Variants in SLCO1B3 observed in about 807,000 individuals in gnomAD.
SLCO1B3 encodes the protein liver-specific organic anion transporter 2.
Under a neutral mutation model 71.8 loss-of-function variants are expected in SLCO1B3, and 72 were observed. The observed-to-expected ratio is 1.00, with a 90% CI of 0.83 to 1.22. SLCO1B3 has a LOEUF of 1.22. Among genes scored for constraint, SLCO1B3 ranks in the 50% most tolerant of loss-of-function variants. The pLI is 0.00. For missense variants in SLCO1B3, 911 were observed against 819.7 expected (o/e 1.11, Z -1.36); for synonymous variants, 298 against 278.4 (o/e 1.07, Z -0.70).
Position 20,862,813 on chromosome 12 carries a change from T to C in SLCO1B3, c.686T>C (p.Leu229Pro), listed in dbSNP as rs753580891. ...GPVIGFALGSLFAKMYVDIGY... is the reference protein window; with the variant it reads ...GPVIGFALGSPFAKMYVDIGY... Reference sequence around the variant, plus strand: ...GTCATTGGCTTTGCACTGGGATCTCTGTTTGCTAAAATGTACGTGGATATT... The same window carrying C: ...GTCATTGGCTTTGCACTGGGATCTCCGTTTGCTAAAATGTACGTGGATATT... The change falls in exon 8 of 16, where the codon CTG becomes CCG. Residue 229 changes from leucine to proline, a missense_variant. Leu to Pro is a moderately conservative substitution (Grantham distance 98). Coordinates refer to ENST00000381545, the MANE Select transcript of SLCO1B3 (RefSeq NM_019844.4). 7.3e-5 allele frequency: 117 copies of C among 1,610,964 alleles called. No individual in the cohort carries two copies. Among genetic ancestry groups the C allele is most frequent in the Non-Finnish European group, 9.7e-5 (114 of 1,177,382 alleles).
chr12:20,815,477 T>C (rs1864176605), intron 2 of SLCO1B3, among the ~76,000 whole-genome samples, 197 bp from the exon 3 acceptor site: 2 of 152,194 alleles, frequency 1.3e-5, no homozygotes, highest in Admixed American at 1.3e-4. Flanking sequence ...CAAATTATAA[T>C]CTCTTTAGGC....
rs1415768772 is a variant in SLCO1B3, at chr12:20,862,479, A to T, written c.549A>T (p.Ile183=). The T allele has an allele frequency of 2.5e-6, 4 of 1,612,880 alleles. No individual in the cohort carries two copies. The highest frequency in any genetic ancestry group is 3.4e-6 in the Non-Finnish European group (4 of 1,179,240). Residue 183 remains isoleucine, a synonymous_variant, in exon 7 of 16, where the codon ATA becomes ATT. Transcript: ENST00000381545. ...TCATGGGGAATATGCTTCGTGGCAT[A>T]GGGGAAACCCCCATAGTACCATTGG... ...YVFMGNMLRG[I]GETPIVPLGI... is the part of the protein sequence containing the mutation.
chr12:20,896,499 G>T (rs1376901673), intron 13 of SLCO1B3, among the ~76,000 whole-genome samples: 3 of 152,146 alleles, frequency 2.0e-5, no homozygotes, highest in Non-Finnish European at 4.4e-5. Flanking sequence ...AATATGACAA[G>T]CATCATCTTT....
At chr12:20,907,947 C>T (rs1232063025) in intron 15 of SLCO1B3, among the ~76,000 whole-genome samples, 1 of 152,150 alleles carries the variant, frequency 6.6e-6, no homozygotes, top group African/African-American at 2.4e-5. Flanking sequence ...TCCCCAGAAT[C>T]TCCCCGAAGC....
At chr12:20,849,738 CACACACAT>C (rs1313357181) in intron 3 of SLCO1B3, among the ~76,000 whole-genome samples, 1 of 135,238 alleles carries the variant, frequency 7.4e-6, no homozygotes, top group African/African-American at 2.5e-5. Context: ...CACACACACA[CACACACAT>C]ATTACTTGTG....
chr12:20,826,832 T>A (rs1189706782), intron 3 of SLCO1B3, among the ~76,000 whole-genome samples: 1 of 152,068 alleles, frequency 6.6e-6, no homozygotes, highest in Non-Finnish European at 1.5e-5. Context: ...AACTTTAGCC[T>A]TTGTATTAGA....
chr12:20,819,507 C>T (rs1437644156), intron 3 of SLCO1B3, among the ~76,000 whole-genome samples: 1 of 152,040 alleles, frequency 6.6e-6, no homozygotes, highest in Non-Finnish European at 1.5e-5. Flanking sequence ...AGATCCAGAA[C>T]AGAATAATGG....
chr12:20,860,586 AAAGTC>A (rs1865240480), intron 5 of SLCO1B3, among the ~76,000 whole-genome samples: 1 of 145,046 alleles, frequency 6.9e-6, no homozygotes. Context: ...TGAGTTTTGA[AAAGTC>A]AAGCACTTTG....
chr12:20,900,293 G>T (rs549561044), intron 14 of SLCO1B3, among the ~76,000 whole-genome samples: 1 of 151,748 alleles, frequency 6.6e-6, no homozygotes, highest in Non-Finnish European at 1.5e-5. Context: ...AAAATGAATC[G>T]GTAAAACATT....
At position 20,826,494 on chromosome 12, in the gene SLCO1B3, T is replaced by A. The variant is rs375269274; in HGVS notation, c.84+10672T>A. On this transcript the variant is annotated intron_variant, in intron 3 of 15. Transcript: ENST00000381545. The stretch of plus-strand genomic sequence containing the variant: ...GAATTAATTCTTTTTTAATATCAAG[T>A]CTCAATCTCTGGAATGACTATTATA... Among the ~76,000 whole-genome samples the A allele has an allele frequency of 1.1e-3, 162 of 152,170 alleles. 4 individuals carry two copies. The South Asian group carries it at 0.033, about 31-fold the overall frequency.
rs1025860859 is a variant in SLCO1B3, at chr12:20,816,374, G to A, written c.84+552G>A. On this transcript the variant is annotated intron_variant, in intron 3 of 15. Coordinates refer to ENST00000381545, the MANE Select transcript of SLCO1B3 (RefSeq NM_019844.4). ...ACCCCCATGACCCTTTCCAGCCTCT[G>A]GTAACCATCCTTCTACTCACTGTGT... 4.0e-5 allele frequency among the ~76,000 whole-genome samples: 6 copies of A among 151,898 alleles called. No individual in the cohort carries two copies. The East Asian group carries it at 1.2e-3, about 29-fold the overall frequency.
chr12:20,890,096 T>C (rs1163921481), intron 13 of SLCO1B3, among the ~76,000 whole-genome samples: 1 of 151,758 alleles, frequency 6.6e-6, no homozygotes, highest in Admixed American at 6.6e-5. Context: ...TTTTTTTATT[T>C]GTAATAGAGA....
At chr12:20,847,749 A>G (rs954179003) in intron 3 of SLCO1B3, among the ~76,000 whole-genome samples, 2 of 152,006 alleles carry the variant, frequency 1.3e-5, no homozygotes, top group Admixed American at 6.6e-5. Flanking sequence ...GACCTGTCAT[A>G]TACCATCAGG....
intron 13 of SLCO1B3, among the ~76,000 whole-genome samples, chr12:20,884,871 C>T (rs1287745665): frequency 1.3e-5 from 2 of 151,984 alleles, no homozygotes; most frequent in African/African-American, 4.8e-5. Context: ...TTCACCCTGC[C>T]TGCAAATTTT....
chr12:20,828,165 A>G (rs1291877088), intron 3 of SLCO1B3, among the ~76,000 whole-genome samples: 1 of 152,154 alleles, frequency 6.6e-6, no homozygotes, highest in Non-Finnish European at 1.5e-5. Flanking sequence ...CTCCAAAAGG[A>G]AAGAGATTCA....
At chr12:20,866,786 A>G (rs1289707269) in intron 8 of SLCO1B3, among the ~76,000 whole-genome samples, 1 of 152,112 alleles carries the variant, frequency 6.6e-6, no homozygotes, top group African/African-American at 2.4e-5. Flanking sequence ...GAGTACCAGT[A>G]TTTAAGGCAG....
chr12:20,846,902 C>T (rs924589662), intron 3 of SLCO1B3, among the ~76,000 whole-genome samples: 2 of 152,096 alleles, frequency 1.3e-5, no homozygotes, highest in Non-Finnish European at 2.9e-5. Context: ...TACCTCTTAT[C>T]TCGATGCCAG....
chr12:20,845,744 A>G (rs942352304), intron 3 of SLCO1B3, among the ~76,000 whole-genome samples: 2 of 152,150 alleles, frequency 1.3e-5, no homozygotes, highest in African/African-American at 4.8e-5. Context: ...CATTTGTTCT[A>G]GAGTGTAGTT....
chr12:20,852,425 G>A (rs996551996), intron 3 of SLCO1B3, among the ~76,000 whole-genome samples: 1 of 152,164 alleles, frequency 6.6e-6, no homozygotes, highest in Non-Finnish European at 1.5e-5. Context: ...ACTGCAGTGA[G>A]CCATGATCAC....
Sources: gnomAD v4.1 joint callset for allele counts (sites outside exome capture counted in the v4.1 genomes callset) on GRCh38, gnomAD v4.1.1 for gene constraint, MANE v1.5 for transcripts, NCBI Gene and HGNC (gene_info 2026-07-23, HGNC 2026-07-21) for gene names.